Variants in ANKLE2 observed in about 807,000 individuals in gnomAD.
ANKLE2 encodes ankyrin repeat and LEM domain-containing protein 2.
In ANKLE2, 55 loss-of-function variants were observed where a neutral mutation model predicts 84.2. The observed-to-expected ratio is 0.65, with a 90% confidence interval of 0.53 to 0.82. The LOEUF is 0.82. ANKLE2 is among the 40% of genes least tolerant of loss of function. The probability of loss-of-function intolerance (pLI) is 0.00; values close to 1 mark genes in which losing one functional copy is unlikely to be tolerated. For synonymous variants in ANKLE2, 551 were observed against 486.1 expected (o/e 1.13, Z -1.76); for missense variants, 1,238 against 1,201.9 (o/e 1.03, Z -0.44).
At chr12:132,752,204 G>C (rs1413797665) in intron 2 of ANKLE2, among the ~76,000 whole-genome samples, 1 of 152,102 alleles carries the variant, frequency 6.6e-6, no homozygotes, top group African/African-American at 2.4e-5. Flanking sequence ...GCCGGGCGTG[G>C]TGGCACACCC....
intron 2 of ANKLE2, among the ~76,000 whole-genome samples, chr12:132,754,106 G>C (rs533892578): frequency 6.6e-6 from 1 of 152,238 alleles, no homozygotes; most frequent in Non-Finnish European, 1.5e-5. Context: ...GCCAGGCGCG[G>C]TGGCAGGCGC....
chr12:132,737,467 C>T (rs1385773184), intron 7 of ANKLE2: 1 of 156,740 alleles, frequency 6.4e-6, no homozygotes, highest in Non-Finnish European at 1.4e-5. Flanking sequence ...GTAATCCTAC[C>T]ACTTTGGAAG....
At chr12:132,760,457 G>C (rs1454299935) in intron 1 of ANKLE2, 1 of 152,220 alleles carries the variant, frequency 6.6e-6, no homozygotes, top group Non-Finnish European at 1.5e-5. Flanking sequence ...TAACGGCTCA[G>C]CCCCGCAAGA....
chr12:132,734,111 G>A (rs1249559612), intron 10 of ANKLE2: 2 of 552,056 alleles, frequency 3.6e-6, no homozygotes, highest in Non-Finnish European at 6.8e-6. Context: ...CAGGCGTGGT[G>A]GCGGGCGCCT....
intron 7 of ANKLE2, among the ~76,000 whole-genome samples, chr12:132,739,951 C>T (rs2044088129): frequency 1.3e-5 from 2 of 152,240 alleles, no homozygotes; most frequent in Non-Finnish European, 1.5e-5. Flanking sequence ...CAAACAGCTG[C>T]TGGGGCAGAT....
intron 10 of ANKLE2, chr12:132,734,071 AC>A (rs1403245285): frequency 2.1e-6 from 1 of 475,724 alleles, no homozygotes; most frequent in Non-Finnish European, 4.1e-6. Context: ...CCGCATCTCC[AC>A]TAAAAAAAAA....
At chr12:132,741,993 T>G (rs552075734) in intron 6 of ANKLE2, 1 of 356,158 alleles carries the variant, frequency 2.8e-6, no homozygotes, top group Admixed American at 4.1e-5. Context: ...CTAGAAACTA[T>G]AGAAAAACCA....
At chr12:132,747,416 G>A (rs141424785) in intron 5 of ANKLE2, among the ~76,000 whole-genome samples, 8,225 of 150,836 alleles carry the variant, frequency 0.055, 307 homozygotes, top group East Asian at 0.1. Flanking sequence ...AGCCCTGCGT[G>A]TCAGGCAGCA....
At chr12:132,759,925 G>C (rs1223670597) in intron 1 of ANKLE2, 1 of 152,110 alleles carries the variant, frequency 6.6e-6, no homozygotes, top group Non-Finnish European at 1.5e-5. Context: ...CCTGAGGTCA[G>C]GAATTCGAGA....
At position 132,735,368 on chromosome 12, in the gene ANKLE2, T is replaced by A. The variant is rs376887712; in HGVS notation, c.1700+38A>T. ...TGTCATTAATCAAAATGCAACCAACTGTGTGCCCCACGCTGCTGCGGCTCA... is the reference window on the plus strand; with the variant it reads ...TGTCATTAATCAAAATGCAACCAACAGTGTGCCCCACGCTGCTGCGGCTCA... On this transcript the variant is annotated intron_variant, in intron 9 of 12. Transcript: ENST00000357997. 2.7e-5 allele frequency: 42 copies of A among 1,553,864 alleles called. No individual in the cohort carries two copies. The Middle Eastern group carries it at 1.5e-3, about 56-fold the overall frequency.
At chr12:132,742,184 T>TACACACACAC (rs71856305) in intron 6 of ANKLE2, 5 of 192,618 alleles carry the variant, frequency 2.6e-5, no homozygotes, top group African/African-American at 7.4e-5. Context: ...GAAGTACAGA[T>TACACACACAC]ACACACACAC....
intron 1 of ANKLE2, chr12:132,760,045 A>G (rs570978429): frequency 6.6e-6 from 1 of 151,700 alleles, no homozygotes; most frequent in Non-Finnish European, 1.5e-5. Flanking sequence ...GATGCAGGAG[A>G]ATCGCTTGAA....
chr12:132,732,650 G>A (rs368259097), intron 10 of ANKLE2, among the ~76,000 whole-genome samples: 61 of 112,280 alleles, frequency 5.4e-4, no homozygotes, highest in East Asian at 1.7e-3. Context: ...AGCGCTCTGC[G>A]TGCTGGTGTC....
At chr12:132,728,236 T>A (rs1160762440) in intron 11 of ANKLE2, 73 bp from the exon 12 acceptor site, 3 of 1,563,864 alleles carry the variant, frequency 1.9e-6, no homozygotes, top group Non-Finnish European at 2.6e-6. Flanking sequence ...CCACTACTTT[T>A]TTTTTTATTT....
chr12:132,729,736 C>G lies in ANKLE2; in HGVS notation c.2426G>C (p.Arg809Thr). The G allele has an allele frequency of 6.2e-7, 1 of 1,610,914 alleles. No individual in the cohort carries two copies. The highest frequency in any genetic ancestry group is 8.5e-7 in the Non-Finnish European group (1 of 1,179,378). ...AKMSLSPSSPRHEDQLEVTRE... is the reference protein window; with the variant it reads ...AKMSLSPSSPTHEDQLEVTRE... Reference sequence around the variant, plus strand: ...GGTGACCTCGAGCTGATCCTCGTGCCTGGGGCTGCTGGGACTCAAGGACAT... The same window carrying G: ...GGTGACCTCGAGCTGATCCTCGTGCGTGGGGCTGCTGGGACTCAAGGACAT... The change falls in exon 11 of 13, where the codon AGG becomes ACG. Residue 809 changes from arginine to threonine, a missense_variant. Transcript: ENST00000357997.
At chr12:132,753,770 A>G (rs576383122) in intron 2 of ANKLE2, among the ~76,000 whole-genome samples, 91 of 151,998 alleles carry the variant, frequency 6.0e-4, no homozygotes, top group African/African-American at 2.1e-3. Context: ...AAACAAAAAA[A>G]AACCATAAAA....
At chr12:132,734,704 T>C in intron 9 of ANKLE2, 129 bp from the exon 10 acceptor site, 1 of 949,954 alleles carries the variant, frequency 1.1e-6, no homozygotes, top group Non-Finnish European at 1.5e-6. Context: ...TTTTCCTTTA[T>C]CCTTAACTGG....
chr12:132,746,368 G>C (rs1049878288), intron 5 of ANKLE2, among the ~76,000 whole-genome samples: 15 of 118,304 alleles, frequency 1.3e-4, no homozygotes, highest in African/African-American at 4.9e-4. Context: ...AAAAAAAAAA[G>C]AATCAGGTTA....
At chr12:132,740,995 ACACAAAAGCCAGGC>A (rs1308951969) in intron 7 of ANKLE2, among the ~76,000 whole-genome samples, 1 of 152,148 alleles carries the variant, frequency 6.6e-6, no homozygotes, top group East Asian at 1.9e-4. Context: ...GCAAAGAGAC[ACACAAAAGCCAGGC>A]CAGCCACCCA....
Sources: gnomAD v4.1 joint callset for allele counts (sites outside exome capture counted in the v4.1 genomes callset) on GRCh38, gnomAD v4.1.1 for gene constraint, MANE v1.5 for transcripts, NCBI Gene and HGNC (gene_info 2026-07-23, HGNC 2026-07-21) for gene names.